Variants in DDX19B observed in about 807,000 individuals in gnomAD.
DDX19B encodes DEAD-box helicase 19B, also known as ATP-dependent RNA helicase DDX19B.
DDX19B carries 27 observed loss-of-function variants against 58.1 expected under a neutral mutation model. The ratio of observed to expected loss-of-function variants is 0.46; its 90% CI spans 0.34 to 0.64. DDX19B has a LOEUF of 0.64. Ranked by LOEUF, DDX19B falls within the 30% of genes least tolerant of loss-of-function variation. The pLI is 0.01. For missense variants in DDX19B, 399 were observed against 596.5 expected (o/e 0.67, Z 3.45); for synonymous variants, 187 against 214.4 (o/e 0.87, Z 1.12).
At chr16:70,325,545 A>G (rs1361171518) in intron 6 of DDX19B, 29 bp from the exon 7 acceptor site, 1 of 1,520,656 alleles carries the variant, frequency 6.6e-7, no homozygotes, top group Admixed American at 1.7e-5. Flanking sequence ...ATTGTCTTGA[A>G]TTTGCACTCT....
At chr16:70,294,467 T>C (rs1961147545), upstream of DDX19B, among the ~76,000 whole-genome samples, 1 of 152,204 alleles carries the variant, frequency 6.6e-6, no homozygotes, top group Admixed American at 6.5e-5. Flanking sequence ...GATTAGAGGA[T>C]GTGCGTCTGC....
intron 9 of DDX19B, among the ~76,000 whole-genome samples, chr16:70,330,540 A>G (rs1185482552): frequency 2.7e-4 from 41 of 152,142 alleles, no homozygotes; most frequent in Admixed American, 2.7e-3. Context: ...GTGAGCTGTG[A>G]TTGCTCCATT....
intron 10 of DDX19B, among the ~76,000 whole-genome samples, chr16:70,332,323 CAG>C (rs1433867618): frequency 2.6e-5 from 4 of 152,152 alleles, no homozygotes; most frequent in Admixed American, 2.6e-4. Flanking sequence ...TTTTTTGAGA[CAG>C]AGTCTTGCTC....
At chr16:70,291,279 GACACAAGTGTTTATTCTGATCC>G (rs1961053851), upstream of DDX19B, among the ~76,000 whole-genome samples, 5 of 152,130 alleles carry the variant, frequency 3.3e-5, no homozygotes, top group Admixed American at 3.3e-4. Flanking sequence ...AAAACCAGGA[GACACAAGTGTTTATTCTGATCC>G]ACAGTGCCCT....
At chr16:70,291,600 G>C (rs1961062641), upstream of DDX19B, among the ~76,000 whole-genome samples, 1 of 151,620 alleles carries the variant, frequency 6.6e-6, no homozygotes, top group Admixed American at 6.6e-5. Context: ...ATGAGGTCAG[G>C]AGATTGAGAC....
chr16:70,318,171 G>A (rs375716590), intron 5 of DDX19B, among the ~76,000 whole-genome samples: 7 of 151,140 alleles, frequency 4.6e-5, no homozygotes, highest in African/African-American at 1.7e-4. Flanking sequence ...TCAAGTGTTC[G>A]AGACCAGCCT....
intron 5 of DDX19B, among the ~76,000 whole-genome samples, chr16:70,320,371 G>GTT (rs778237372): frequency 5.4e-4 from 68 of 126,868 alleles, no homozygotes; most frequent in Middle Eastern, 4.3e-3. Flanking sequence ...GCCTCCCCCA[G>GTT]TTTTTTTTTT....
upstream of DDX19B, chr16:70,289,787 G>A (rs1458139923): frequency 1.1e-5 from 4 of 372,656 alleles, no homozygotes; most frequent in African/African-American, 8.4e-5. Flanking sequence ...CCCGGAGGTC[G>A]ACATTTTGGT....
At chr16:70,312,062 G>C (rs943555064) in intron 1 of DDX19B, among the ~76,000 whole-genome samples, 1 of 152,080 alleles carries the variant, frequency 6.6e-6, no homozygotes, top group East Asian at 1.9e-4. Flanking sequence ...GGATGGTCTC[G>C]ATCTCTTGAC....
Position 70,317,588 on chromosome 16 carries a change from C to A in DDX19B, c.389C>A (p.Pro130His). Reference protein sequence around the residue: ...ENALPLMLAEPPQNLIAQSQS... With the variant: ...ENALPLMLAEHPQNLIAQSQS... ...GCATTGCCACTGATGCTTGCTGAGC[C>A]GTATGTGTCCTATTACAACTCCATT... is the stretch of plus-strand genomic sequence containing the variant. The change falls in exon 5 of 12, where the codon CCC becomes CAC. Residue 130 changes from proline (P) to histidine (H), a missense_variant and splice_region_variant. By Grantham distance (77) the Pro-to-His change is moderately conservative. Transcript: ENST00000288071. 1 of 1,605,698 alleles carries A rather than the reference C, an allele frequency of 6.2e-7. No homozygotes were observed. Among genetic ancestry groups the A allele is most frequent in the Non-Finnish European group, 8.5e-7 (1 of 1,175,642 alleles).
Position 70,305,251 on chromosome 16 carries a change from T to A in DDX19B, c.57+5897T>A, listed in dbSNP as rs111690529. On this transcript the variant is annotated intron_variant, in intron 1 of 11. Coordinates refer to ENST00000288071, the MANE Select transcript of DDX19B (RefSeq NM_007242.7). ...TAAACTCCTGCCTAGATGGTGGAGG[T>A]CTGACTCAGTGTTCTGGAATCTAGG... Among the ~76,000 whole-genome samples the A allele has an allele frequency of 2.6e-5, 4 of 152,260 alleles. No individual in the cohort carries two copies. The South Asian group carries it at 8.3e-4, about 32-fold the overall frequency.
chr16:70,295,958 C>T (rs1208153309), upstream of DDX19B, among the ~76,000 whole-genome samples: 1 of 151,784 alleles, frequency 6.6e-6, no homozygotes, highest in Non-Finnish European at 1.5e-5. Context: ...TTCTAGAGGC[C>T]CTCACCAGGG....
At chr16:70,304,668 T>TG (rs1255174153) in intron 1 of DDX19B, among the ~76,000 whole-genome samples, 1 of 152,150 alleles carries the variant, frequency 6.6e-6, no homozygotes, top group Non-Finnish European at 1.5e-5. Context: ...CCACCACTCC[T>TG]GGCCAGAGCT....
At position 70,299,397 on chromosome 16, in the gene DDX19B, G is replaced by T. The variant is rs74024193; in HGVS notation, c.57+43G>T. On this transcript the variant is annotated intron_variant, in intron 1 of 11. Transcript: ENST00000288071. Reference sequence around the variant, plus strand: ...CTAAAAGGGTCAGGGGACTAGTTCTGGTCGGAGACTTGGTCCCTGGGAAAG... The same window carrying T: ...CTAAAAGGGTCAGGGGACTAGTTCTTGTCGGAGACTTGGTCCCTGGGAAAG... 0.013 allele frequency: 20,101 copies of T among 1,553,632 alleles called. 2,353 individuals carry two copies. In the African/African-American group the frequency reaches 0.25, roughly 19 times the overall value.
chr16:70,307,726 T>C (rs1341871046), intron 1 of DDX19B, among the ~76,000 whole-genome samples: 1 of 150,650 alleles, frequency 6.6e-6, no homozygotes, highest in Non-Finnish European at 1.5e-5. Flanking sequence ...TATATATGTG[T>C]GTATTTTTTT....
upstream of DDX19B, among the ~76,000 whole-genome samples, chr16:70,294,403 C>T (rs1308440516): frequency 6.6e-6 from 1 of 152,122 alleles, no homozygotes; most frequent in Non-Finnish European, 1.5e-5. Context: ...TTTTAACAGG[C>T]TTCAGGCGAT....
chr16:70,320,371 GTT>G (rs778237372), intron 5 of DDX19B, among the ~76,000 whole-genome samples: 15 of 126,848 alleles, frequency 1.2e-4, no homozygotes, highest in Non-Finnish European at 1.2e-4. Flanking sequence ...GCCTCCCCCA[GTT>G]TTTTTTTTTT....
rs1271229615 is a variant in DDX19B at position 70,324,679 on chromosome 16, T to C, written c.484T>C (p.Tyr162His). The change falls in exon 6 of 12, where the codon TAC becomes CAC. Residue 162 changes from tyrosine to histidine, a missense_variant. By Grantham distance (83) the Tyr-to-His change is moderately conservative. This residue lies in a region of DDX19B where 67 missense variants were observed against 74.3 expected (regional missense o/e 0.90). Coordinates refer to ENST00000288071, the MANE Select transcript of DDX19B (RefSeq NM_007242.7). ...TAGCCAAGTAGAACCTGCAAACAAA[T>C]ACCCCCAGGTAAGGATTTATGAATT... is the stretch of plus-strand genomic sequence containing the variant. ...MLSQVEPANK[Y>H]PQCLCLSPTY... 6.2e-7 allele frequency: 1 copy of C among 1,611,518 alleles called. No individual in the cohort carries two copies. The highest frequency in any genetic ancestry group is 1.3e-5 in the African/African-American group (1 of 74,764).
chr16:70,294,720 C>T (rs895646603), upstream of DDX19B: 1 of 664,414 alleles, frequency 1.5e-6, no homozygotes, highest in South Asian at 2.8e-5. Flanking sequence ...GGGCGCGTGC[C>T]CGAGCGCTGT....
Sources: gnomAD v4.1 joint callset for allele counts (sites outside exome capture counted in the v4.1 genomes callset) on GRCh38, gnomAD v4.1.1 for gene constraint, gnomAD v4.1.1 regional missense constraint, MANE v1.5 for transcripts, NCBI Gene and HGNC (gene_info 2026-07-23, HGNC 2026-07-21) for gene names.